ADCY1: variants seen among roughly 807,000 people sequenced by gnomAD.
ADCY1 encodes adenylate cyclase type 1.
A neutral mutation model predicts 105.4 loss-of-function variants in ADCY1; 28 were observed. The observed-to-expected ratio is 0.27, with a 90% CI of 0.20 to 0.36. The LOEUF (loss-of-function observed/expected upper bound fraction) is 0.36. Among genes scored for constraint, ADCY1 ranks in the 10% least tolerant of loss-of-function variants. ADCY1 has a pLI of 1.00. For synonymous variants in ADCY1, 655 were observed against 623.8 expected (o/e 1.05, Z -0.75); for missense variants, 977 against 1,434.2 (o/e 0.68, Z 5.15).
Position 45,710,793 on chromosome 7 carries a change from G to GCTCTGGAGGGCC in ADCY1, c.3057+152_3057+153insCCTCTGGAGGGC. On this transcript the variant is annotated intron_variant, in intron 19 of 19. Coordinates refer to ENST00000297323, the MANE Select transcript of ADCY1 (RefSeq NM_021116.4). This position sits in a 1 kb window ranked among gnomAD's most constrained non-coding sequence, Gnocchi z 4.7. ...AAGAGCTGCATATTTCGGTCTGTCTGCTCTGGAGGGCATCCTGGCCCGGGC... is the reference window on the plus strand; with the variant it reads ...AAGAGCTGCATATTTCGGTCTGTCTGCTCTGGAGGGCCCTCTGGAGGGCATCCTGGCCCGGGC... The GCTCTGGAGGGCC allele has an allele frequency of 8.5e-7, 1 of 1,173,008 alleles. No individual in the cohort carries two copies. The highest frequency in any genetic ancestry group is 1.2e-6 in the Non-Finnish European group (1 of 862,548). 72.7% of individuals were successfully genotyped at this position (1,173,008 alleles called of 1,614,324 possible).
At position 45,590,483 on chromosome 7, in the gene ADCY1, T is replaced by C. The variant is rs1018988125; in HGVS notation, c.640-2276T>C. Among the ~76,000 whole-genome samples, 4 of 152,176 alleles carry C rather than the reference T, an allele frequency of 2.6e-5. No individual in the cohort carries two copies. In the East Asian group the frequency reaches 5.8e-4, roughly 22 times the overall value. ...AGTGCCCCATGTGTCCGATGGCCCC[T>C]GGGTCTTCCAGCTCCCTGCTCTGGC... On this transcript the variant is annotated intron_variant, in intron 1 of 19. Transcript: ENST00000297323.
chr7:45,576,522 G>A (rs957600374), intron 1 of ADCY1, among the ~76,000 whole-genome samples: 5 of 152,134 alleles, frequency 3.3e-5, no homozygotes, highest in African/African-American at 7.2e-5. Context: ...AGGAAGAGAG[G>A]TAGAGGTGAA....
At chr7:45,664,509 G>T in intron 8 of ADCY1, 12 of 1,391,246 alleles carry the variant, frequency 8.6e-6, no homozygotes, top group Non-Finnish European at 1.1e-5. Context: ...AAACATAATT[G>T]ATTATGGAAA....
intron 2 of ADCY1, among the ~76,000 whole-genome samples, chr7:45,598,486 CAAAT>C (rs971605074): frequency 1.3e-5 from 2 of 151,992 alleles, no homozygotes; most frequent in African/African-American, 4.8e-5. Context: ...AGAGCAGACA[CAAAT>C]AAGGAGCATG....
intron 12 of ADCY1, 150 bp from the exon 13 acceptor site, chr7:45,685,812 C>T: frequency 1.0e-6 from 1 of 998,054 alleles, no homozygotes; most frequent in Non-Finnish European, 1.4e-6. Flanking sequence ...TGTGAGTTGC[C>T]ATGAGGTCTG....
chr7:45,581,833 A>G (rs555277758), intron 1 of ADCY1, among the ~76,000 whole-genome samples: 1 of 152,152 alleles, frequency 6.6e-6, no homozygotes, highest in African/African-American at 2.4e-5. Context: ...ACATGCTCAT[A>G]CACACACATA....
intron 4 of ADCY1, among the ~76,000 whole-genome samples, chr7:45,635,138 G>GT (rs59397788): frequency 0.29 from 42,738 of 145,646 alleles, 6,582 homozygotes; most frequent in East Asian, 0.68. Flanking sequence ...AGTGAGGTCA[G>GT]TTTTTTTTTT....
rs966905542 is a variant in ADCY1 at position 45,714,200 on chromosome 7, G to T, written c.*205G>T. On this transcript the variant is annotated 3_prime_UTR_variant, in exon 20 of 20. Transcript: ENST00000297323. ...ACAGCACAGCAGTGACTCGGTGAGG[G>T]GAGGACACCCGACTGTGCACACTTC... is the stretch of plus-strand genomic sequence containing the variant. 15 of 586,644 alleles carry T rather than the reference G, an allele frequency of 2.6e-5. No individual in the cohort carries two copies. The highest frequency in any genetic ancestry group is 4.5e-5 in the Non-Finnish European group (15 of 329,948). 36.3% of individuals were successfully genotyped at this position (586,644 alleles called of 1,614,324 possible).
intron 14 of ADCY1, among the ~76,000 whole-genome samples, chr7:45,692,787 C>A (rs1784807926): frequency 6.6e-6 from 1 of 151,940 alleles, no homozygotes. Context: ...TATAGGAAAC[C>A]ATCACATTGC....
intron 1 of ADCY1, among the ~76,000 whole-genome samples, chr7:45,577,864 G>C (rs923477331): frequency 5.3e-5 from 8 of 152,200 alleles, no homozygotes; most frequent in Admixed American, 1.3e-4. Flanking sequence ...CTTTCTCTGA[G>C]ACCCAAATGC....
chr7:45,627,235 C>T (rs1314919247), intron 4 of ADCY1, among the ~76,000 whole-genome samples: 7 of 152,138 alleles, frequency 4.6e-5, no homozygotes, highest in East Asian at 1.9e-4. Flanking sequence ...GGATTGGAAG[C>T]GGTGTCATTA....
At chr7:45,679,581 G>A in intron 10 of ADCY1, 128 bp from the exon 11 acceptor site, 1 of 887,892 alleles carries the variant, frequency 1.1e-6, no homozygotes, top group Middle Eastern at 2.2e-4. Context: ...CAGGCATCCA[G>A]GTTAACGATG....
At chr7:45,626,682 C>T (rs1486538498) in intron 4 of ADCY1, among the ~76,000 whole-genome samples, 1 of 152,210 alleles carries the variant, frequency 6.6e-6, no homozygotes, top group African/African-American at 2.4e-5. Flanking sequence ...TCCCCAGCAA[C>T]ATTTGAGTTT....
intron 11 of ADCY1, among the ~76,000 whole-genome samples, chr7:45,681,519 C>T (rs1314746101): frequency 6.6e-6 from 1 of 152,150 alleles, no homozygotes; most frequent in East Asian, 1.9e-4. Context: ...CTGGGAGTGC[C>T]ATCAGTGGTG....
chr7:45,649,750 G>A (rs1794759716), intron 5 of ADCY1, among the ~76,000 whole-genome samples: 1 of 152,250 alleles, frequency 6.6e-6, no homozygotes, highest in South Asian at 2.1e-4. Flanking sequence ...TCTGGCACCT[G>A]TGTGTCGGAC....
chr7:45,711,598 C>A (rs573403901), intron 19 of ADCY1, among the ~76,000 whole-genome samples: 3 of 125,308 alleles, frequency 2.4e-5, no homozygotes, highest in African/African-American at 8.9e-5. Context: ...ACCTCCAGAA[C>A]TTCGTGCTGT....
At chr7:45,698,574 G>C (rs745458401) in intron 14 of ADCY1, among the ~76,000 whole-genome samples, 6 of 152,184 alleles carry the variant, frequency 3.9e-5, no homozygotes, top group Non-Finnish European at 8.8e-5. Flanking sequence ...CTGAAGTGCT[G>C]AGTTGGGTGC....
intron 8 of ADCY1, among the ~76,000 whole-genome samples, chr7:45,668,525 G>T (rs1316910897): frequency 6.6e-6 from 1 of 152,146 alleles, no homozygotes; most frequent in African/African-American, 2.4e-5. Flanking sequence ...GCTGGATTCG[G>T]TTTGCCAGTA....
At position 45,717,546 on chromosome 7, in the gene ADCY1, G is replaced by A. The variant is rs556678945; in HGVS notation, c.*3551G>A. The A allele has an allele frequency of 4.5e-4, 69 of 152,370 alleles. No homozygotes were observed. The highest frequency in any genetic ancestry group is 6.6e-4 in the Non-Finnish European group (45 of 68,020). The allele number at this position is 152,370 out of a possible 1,614,324, so 9.4% of individuals were successfully genotyped here. ...TTTGTAAATAGTGCACCAGTGACAG[G>A]TGCTGCCTGTTTACTCGTACCAAAA... On this transcript the variant is annotated 3_prime_UTR_variant, in exon 20 of 20. Transcript: ENST00000297323.
Sources: allele counts gnomAD v4.1 joint callset (sites outside exome capture counted in the v4.1 genomes callset), GRCh38; gene constraint gnomAD v4.1.1; non-coding constraint Gnocchi (gnomAD v3.1); transcripts MANE v1.5; gene names NCBI Gene and HGNC (gene_info 2026-07-23, HGNC 2026-07-21).